Variants in KIRREL3 observed in about 807,000 individuals in gnomAD.
The protein encoded by KIRREL3 is kin of IRRE-like protein 3.
Under a neutral mutation model 89.7 loss-of-function variants are expected in KIRREL3, and 36 were observed. The observed-to-expected ratio is 0.40, with a 90% confidence interval of 0.31 to 0.53. KIRREL3 has a LOEUF of 0.53. KIRREL3 is among the 20% of genes least tolerant of loss of function. KIRREL3 has a pLI of 0.49. For synonymous variants in KIRREL3, 445 were observed against 441.4 expected, an observed-to-expected ratio of 1.01 and a Z score of -0.10; for missense variants, 864 against 1,056.6, an observed-to-expected ratio of 0.82 and a Z score of 2.53.
chr11:126,534,942 C>G (rs181560637), intron 2 of KIRREL3, among the ~76,000 whole-genome samples: 6 of 152,180 alleles, frequency 3.9e-5, no homozygotes, highest in African/African-American at 1.4e-4. Context: ...CACGTGGCGT[C>G]CCTGAGTCAG....
chr11:126,716,420 A>T (rs182761160), intron 1 of KIRREL3, among the ~76,000 whole-genome samples: 2 of 152,236 alleles, frequency 1.3e-5, no homozygotes, highest in African/African-American at 4.8e-5. Context: ...AGTTTCAATA[A>T]CTTTGCCCAG....
chr11:126,887,609 C>T (rs1945748932), intron 1 of KIRREL3, among the ~76,000 whole-genome samples: 1 of 152,040 alleles, frequency 6.6e-6, no homozygotes, highest in Non-Finnish European at 1.5e-5. Flanking sequence ...CTCTCTCCCA[C>T]CCCCACCAAC....
rs1943860122 is a variant in KIRREL3, at chr11:126,627,880, G to A, written c.56-64968C>T. 1.3e-5 allele frequency among the ~76,000 whole-genome samples: 2 copies of A among 152,216 alleles called. No homozygotes were observed. Among genetic ancestry groups the A allele is most frequent in the Admixed American group, 1.3e-4 (2 of 15,288 alleles). On this transcript the variant is annotated intron_variant, in intron 1 of 16. Transcript: ENST00000525144. The surrounding 1 kb of genome is among the most constrained non-coding windows in gnomAD (Gnocchi z 5.0). Reference sequence around the variant, plus strand: ...TGTGTAGTGAGAGGATAGGTGGGTAGCAGTGTGGGCAGGAAAACAGCCCAG... The same window carrying A: ...TGTGTAGTGAGAGGATAGGTGGGTAACAGTGTGGGCAGGAAAACAGCCCAG...
chr11:126,846,507 G>A (rs538131722), intron 1 of KIRREL3, among the ~76,000 whole-genome samples: 1 of 152,274 alleles, frequency 6.6e-6, no homozygotes, highest in Non-Finnish European at 1.5e-5. Flanking sequence ...TCACTTTAAA[G>A]ATTGTTGGTA....
rs538599452 is a variant in KIRREL3, at chr11:126,527,759, G to T, written c.134-1072C>A. 5.9e-5 allele frequency among the ~76,000 whole-genome samples: 9 copies of T among 152,282 alleles called. No homozygotes were observed. In the East Asian group the frequency reaches 1.7e-3, roughly 29 times the overall value. On this transcript the variant is annotated intron_variant, in intron 2 of 16. Transcript: ENST00000525144. This position sits in a 1 kb window ranked among gnomAD's most constrained non-coding sequence, Gnocchi z 4.2. Reference sequence around the variant, plus strand: ...AGGGAACTGTCTAGTGGGAGTTGGGGTGGGTGGTGCGGTGAATCCAAGTCT... The same window carrying T: ...AGGGAACTGTCTAGTGGGAGTTGGGTTGGGTGGTGCGGTGAATCCAAGTCT...
In KIRREL3 at chr11:126,808,765, C is replaced by T. The variant is rs181240642; in HGVS notation, c.55+191690G>A. Reference sequence around the variant, plus strand: ...GCATATATAGAATGAATTGTTGAGACGGAGAATATATTTTGCCATCTCAGT... The same window carrying T: ...GCATATATAGAATGAATTGTTGAGATGGAGAATATATTTTGCCATCTCAGT... On this transcript the variant is annotated intron_variant, in intron 1 of 16. Transcript: ENST00000525144. This position sits in a 1 kb window ranked among gnomAD's most constrained non-coding sequence, Gnocchi z 4.1. Among the ~76,000 whole-genome samples the T allele has an allele frequency of 5.3e-5, 8 of 152,182 alleles. No individual in the cohort carries two copies. Among genetic ancestry groups the T allele is most frequent in the East Asian group, 1.9e-4 (1 of 5,184 alleles).
At position 126,561,947 on chromosome 11, in the gene KIRREL3, T is replaced by C. The variant is rs971990489; in HGVS notation, c.133+888A>G. 5.3e-5 allele frequency among the ~76,000 whole-genome samples: 8 copies of C among 152,250 alleles called. No individual in the cohort carries two copies. Among genetic ancestry groups the C allele is most frequent in the Middle Eastern group, 3.4e-3 (1 of 294 alleles). ...GAGATGGTAGAAAGAAGCTTCCTCCTTCTTGCTGGAATGGGAATGAGGAGA... is the reference window on the plus strand; with the variant it reads ...GAGATGGTAGAAAGAAGCTTCCTCCCTCTTGCTGGAATGGGAATGAGGAGA... On this transcript the variant is annotated intron_variant, in intron 2 of 16. Coordinates refer to ENST00000525144, the MANE Select transcript of KIRREL3 (RefSeq NM_032531.4). This position sits in a 1 kb window ranked among gnomAD's most constrained non-coding sequence, Gnocchi z 4.5.
At chr11:126,630,447 T>G (rs542820558) in intron 1 of KIRREL3, among the ~76,000 whole-genome samples, 7 of 149,272 alleles carry the variant, frequency 4.7e-5, no homozygotes, top group African/African-American at 1.7e-4. Context: ...TTTCCTCCTT[T>G]TGTTCCTTGC....
chr11:126,449,451 C>A (rs776744938), intron 7 of KIRREL3, among the ~76,000 whole-genome samples: 4 of 152,216 alleles, frequency 2.6e-5, no homozygotes, highest in Non-Finnish European at 4.4e-5. Flanking sequence ...GATTACTCGG[C>A]TGGTCAGCCC....
In KIRREL3 at chr11:126,684,837, G is replaced by T. The variant is rs575354131; in HGVS notation, c.56-121925C>A. Among the ~76,000 whole-genome samples the T allele has an allele frequency of 2.4e-4, 37 of 152,248 alleles. No individual in the cohort carries two copies. In the East Asian group the frequency reaches 5.0e-3, roughly 21 times the overall value. Reference sequence around the variant, plus strand: ...GTGCGGGAGGGGAGAGGTAGTGTTGGCTTGGACCACAGCGGGAGGGACCTG... The same window carrying T: ...GTGCGGGAGGGGAGAGGTAGTGTTGTCTTGGACCACAGCGGGAGGGACCTG... On this transcript the variant is annotated intron_variant, in intron 1 of 16. Transcript: ENST00000525144. The surrounding 1 kb of genome is among the most constrained non-coding windows in gnomAD (Gnocchi z 4.2).
At chr11:126,992,120 A>G (rs1374134911) in intron 1 of KIRREL3, among the ~76,000 whole-genome samples, 1 of 152,216 alleles carries the variant, frequency 6.6e-6, no homozygotes, top group Admixed American at 6.5e-5. Context: ...CAACAACCAA[A>G]AGAATTTGCC....
chr11:126,461,363 T>A (rs1027945583), intron 6 of KIRREL3, among the ~76,000 whole-genome samples: 1 of 152,228 alleles, frequency 6.6e-6, no homozygotes, highest in Non-Finnish European at 1.5e-5. Context: ...TAAGGAGGCC[T>A]GGCCTCACTT....
chr11:126,813,141 A>G (rs937025360), intron 1 of KIRREL3, among the ~76,000 whole-genome samples: 2 of 152,166 alleles, frequency 1.3e-5, no homozygotes, highest in African/African-American at 4.8e-5. Flanking sequence ...AGGTAGAAAA[A>G]ATTTAGTGAA....
At chr11:126,619,342 G>A (rs1943484064) in intron 1 of KIRREL3, among the ~76,000 whole-genome samples, 4 of 152,234 alleles carry the variant, frequency 2.6e-5, no homozygotes. Context: ...AATGGGAGGA[G>A]ATGAGCCCAG....
chr11:126,712,558 G>T (rs1359886993), intron 1 of KIRREL3, among the ~76,000 whole-genome samples: 1 of 152,306 alleles, frequency 6.6e-6, no homozygotes, highest in African/African-American at 2.4e-5. Context: ...GGTCTATATT[G>T]CCACCTCATT....
In KIRREL3 at chr11:126,897,736, A is replaced by T. The variant is rs962531301; in HGVS notation, c.55+102719T>A. ...TCCAGTTTCGGACGAGCAGCAGTACAACATGCAGCAGCAAAAGCCCATTTT... is the reference window on the plus strand; with the variant it reads ...TCCAGTTTCGGACGAGCAGCAGTACTACATGCAGCAGCAAAAGCCCATTTT... On this transcript the variant is annotated intron_variant, in intron 1 of 16. Transcript: ENST00000525144. This position sits in a 1 kb window ranked among gnomAD's most constrained non-coding sequence, Gnocchi z 4.2. Among the ~76,000 whole-genome samples the T allele has an allele frequency of 6.6e-6, 1 of 152,270 alleles. No homozygotes were observed. Among genetic ancestry groups the T allele is most frequent in the African/African-American group, 2.4e-5 (1 of 41,474 alleles).
At chr11:126,749,548 G>A (rs1394226731) in intron 1 of KIRREL3, among the ~76,000 whole-genome samples, 1 of 151,896 alleles carries the variant, frequency 6.6e-6, no homozygotes. Context: ...TATTACAAGA[G>A]CATCTCTAAA....
rs7110814 is a variant in KIRREL3 at position 126,566,334 on chromosome 11, G to C, written c.56-3422C>G. Among the ~76,000 whole-genome samples the C allele has an allele frequency of 0.11, 16,613 of 152,166 alleles. 1,198 individuals are homozygous for C. Among genetic ancestry groups the C allele is most frequent in the African/African-American group, 0.2 (8,404 of 41,488 alleles). On this transcript the variant is annotated intron_variant, in intron 1 of 16. Transcript: ENST00000525144. The surrounding 1 kb of genome is among the most constrained non-coding windows in gnomAD (Gnocchi z 4.9). ...AGGGAGAAGATAAGTTTGCACCCTT[G>C]GGAACTCCTGGCCTCTGGACTCTGA...
At chr11:126,698,491 C>T (rs1209436080) in intron 1 of KIRREL3, among the ~76,000 whole-genome samples, 3 of 152,172 alleles carry the variant, frequency 2.0e-5, no homozygotes, top group Non-Finnish European at 4.4e-5. Flanking sequence ...TCTGGAGAGA[C>T]GACAGGTCAG....
Sources: gnomAD v4.1 joint callset for allele counts (sites outside exome capture counted in the v4.1 genomes callset) on GRCh38, gnomAD v4.1.1 for gene constraint, Gnocchi (gnomAD v3.1) non-coding constraint, MANE v1.5 for transcripts, NCBI Gene and HGNC (gene_info 2026-07-23, HGNC 2026-07-21) for gene names.